The following MYO5A variants were observed in gnomAD, a reference collection of about 807,000 sequenced individuals.
MYO5A encodes unconventional myosin-Va.
In MYO5A, 98 loss-of-function variants were observed where a neutral mutation model predicts 249.7. That is an observed-to-expected ratio of 0.39 (90% CI 0.33 to 0.46). MYO5A has a LOEUF of 0.46. MYO5A is among the 20% of genes least tolerant of loss of function. The pLI, the probability that MYO5A is intolerant of heterozygous loss-of-function variation, is 0.98. For missense variants in MYO5A, 1,696 were observed against 2,308.8 expected (o/e 0.73, Z 5.44); for synonymous variants, 778 against 810.6 (o/e 0.96, Z 0.68).
chr15:52,429,351 C>T lies in MYO5A; in HGVS notation c.139-782G>A, dbSNP rs111463323. On this transcript the variant is annotated intron_variant, in intron 2 of 41. Transcript: ENST00000399233. ...GGCGGATTACCTGAGGTCAGGAGTT[C>T]GAGACCAGCCTGGCCAACATGGCAA... Among the ~76,000 whole-genome samples the T allele has an allele frequency of 2.3e-3, 344 of 151,994 alleles. 3 individuals are homozygous for T. The highest frequency in any genetic ancestry group is 8.0e-3 in the African/African-American group (333 of 41,442).
chr15:52,307,989 G>C lies in MYO5A; in HGVS notation c.*5707C>G, dbSNP rs935226316. The C allele has an allele frequency of 1.3e-5, 2 of 152,264 alleles. No homozygotes were observed. Among genetic ancestry groups the C allele is most frequent in the South Asian group, 4.1e-4 (2 of 4,826 alleles). 9.4% of individuals were successfully genotyped at this position (152,264 alleles called of 1,614,324 possible). Reference sequence around the variant, plus strand: ...ATGGCTCAAATGATTTACGGAGCCTGAAATGTGGGCTAAAATTTTATAACA... The same window carrying C: ...ATGGCTCAAATGATTTACGGAGCCTCAAATGTGGGCTAAAATTTTATAACA... On this transcript the variant is annotated 3_prime_UTR_variant, in exon 42 of 42. Transcript: ENST00000399233.
intron 8 of MYO5A, among the ~76,000 whole-genome samples, chr15:52,406,029 C>G (rs2042989978): frequency 6.6e-6 from 1 of 152,122 alleles, no homozygotes; most frequent in Admixed American, 6.5e-5. Context: ...AGTATGCGTC[C>G]AAATACAGCA....
intron 1 of MYO5A, among the ~76,000 whole-genome samples, chr15:52,475,637 T>C (rs1214641086): frequency 6.6e-6 from 1 of 152,236 alleles, no homozygotes; most frequent in African/African-American, 2.4e-5. Flanking sequence ...GCATTCATTT[T>C]GTTATGTACT....
At chr15:52,399,889 A>G (rs1480917745) in intron 9 of MYO5A, among the ~76,000 whole-genome samples, 1 of 152,136 alleles carries the variant, frequency 6.6e-6, no homozygotes, top group Non-Finnish European at 1.5e-5. Flanking sequence ...GCTCCCACTT[A>G]TAAGTGAGAA....
chr15:52,363,353 A>G (rs993892847), intron 24 of MYO5A, among the ~76,000 whole-genome samples: 2 of 152,242 alleles, frequency 1.3e-5, no homozygotes, highest in Non-Finnish European at 2.9e-5. Context: ...TGTCAATTAT[A>G]AGAACAGTTA....
At chr15:52,335,777 C>T (rs1258628935) in intron 34 of MYO5A, among the ~76,000 whole-genome samples, 5 of 151,748 alleles carry the variant, frequency 3.3e-5, no homozygotes, top group Non-Finnish European at 7.4e-5. Flanking sequence ...TTTTTTACTT[C>T]TCTATTTTTC....
In MYO5A at chr15:52,389,266, G is replaced by A. The variant is rs768441698; in HGVS notation, c.1640C>T (p.Ala547Val). ...LFEKPRLSNK[A>V]FIIQHFADKV... Reference sequence around the variant, plus strand: ...GTCAGCAAAATGTTGGATGATGAAAGCTTTGTTTGATAGACGAGGCTTTTC... The same window carrying A: ...GTCAGCAAAATGTTGGATGATGAAAACTTTGTTTGATAGACGAGGCTTTTC... Residue 547 changes from alanine to valine, a missense_variant, in exon 13 of 42, where the codon GCT (alanine) becomes GTT (valine). By Grantham distance (64) the Ala-to-Val change is moderately conservative (BLOSUM62 0). This residue lies in a region of MYO5A where 277 missense variants were observed against 422.4 expected (regional missense o/e 0.66). Coordinates refer to ENST00000399233, the MANE Select transcript of MYO5A (RefSeq NM_001382347.1). 6.2e-7 allele frequency: 1 copy of A among 1,613,490 alleles called. No individual in the cohort carries two copies. The highest frequency in any genetic ancestry group is 1.7e-5 in the Admixed American group (1 of 60,012).
At chr15:52,514,462 C>A (rs1018317057) in intron 1 of MYO5A, among the ~76,000 whole-genome samples, 2 of 152,156 alleles carry the variant, frequency 1.3e-5, no homozygotes, top group Admixed American at 6.5e-5. Context: ...CTTAGCCACA[C>A]TGGGGTCCGG....
rs75064535 is a variant in MYO5A, at chr15:52,392,647, G to A, written c.1402-577C>T. Among the ~76,000 whole-genome samples, 7 of 152,358 alleles carry A rather than the reference G, an allele frequency of 4.6e-5. No individual in the cohort carries two copies. In the East Asian group the frequency reaches 7.7e-4, roughly 17 times the overall value. ...TCCACATTAAATTCTGTTAGCAACT[G>A]CAACTGCTAGTCCATTGCTATTTCC... On this transcript the variant is annotated intron_variant, in intron 11 of 41. Coordinates refer to ENST00000399233, the MANE Select transcript of MYO5A (RefSeq NM_001382347.1).
intron 1 of MYO5A, among the ~76,000 whole-genome samples, chr15:52,514,116 G>C (rs116111383): frequency 0.016 from 2,472 of 152,244 alleles, 75 homozygotes; most frequent in African/African-American, 0.057. Flanking sequence ...ATACAAAGAA[G>C]ATTTGGAAAA....
At chr15:52,353,510 A>G (rs1440668775) in intron 27 of MYO5A, 95 bp downstream of exon 27, 1 of 1,049,566 alleles carries the variant, frequency 9.5e-7, no homozygotes, top group East Asian at 2.4e-5. Context: ...GCAATCTCCA[A>G]CCCTTAAGGA....
intron 1 of MYO5A, chr15:52,505,490 T>C (rs746326852): frequency 4.9e-5 from 58 of 1,174,716 alleles, no homozygotes; most frequent in Non-Finnish European, 7.1e-5. Flanking sequence ...GATGATGACA[T>C]TGATCTCTCT....
chr15:52,443,208 G>GC (rs1357559388), intron 1 of MYO5A, among the ~76,000 whole-genome samples: 1 of 152,150 alleles, frequency 6.6e-6, no homozygotes, highest in African/African-American at 2.4e-5. Context: ...CAATCAGCTT[G>GC]CCATCCATCC....
intron 1 of MYO5A, among the ~76,000 whole-genome samples, chr15:52,449,549 T>C (rs1455115212): frequency 1.3e-5 from 2 of 152,056 alleles, no homozygotes; most frequent in African/African-American, 4.8e-5. Context: ...CCTGGCAGCC[T>C]ACCTGGAACA....
chr15:52,387,705 C>G, intron 14 of MYO5A, 124 bp downstream of exon 14: 4 of 735,858 alleles, frequency 5.4e-6, no homozygotes, highest in South Asian at 4.9e-5. Context: ...GACTAACATA[C>G]TAAGTGTTAT....
intron 20 of MYO5A, 110 bp from the exon 21 acceptor site, chr15:52,372,473 A>G: frequency 1.4e-6 from 2 of 1,412,560 alleles, no homozygotes; most frequent in Non-Finnish European, 1.9e-6. Flanking sequence ...AAGACATAAA[A>G]GTTGAATTGA....
intron 1 of MYO5A, among the ~76,000 whole-genome samples, chr15:52,526,860 TC>T (rs1408699850): frequency 1.3e-5 from 2 of 152,172 alleles, no homozygotes; most frequent in African/African-American, 2.4e-5. Flanking sequence ...TATTATCCAC[TC>T]AGTCTCTAGT....
rs572450670 is a variant in MYO5A, at chr15:52,313,337, TA to T, written c.*358del. 1.9e-4 allele frequency: 56 copies of T among 292,068 alleles called. No homozygotes were observed. Among genetic ancestry groups the T allele is most frequent in the African/African-American group, 1.2e-3 (54 of 45,598 alleles). 18.1% of individuals were successfully genotyped at this position (292,068 alleles called of 1,614,324 possible). ...CTAACAACAGCTCATCTATGGAAGT[TA>T]TACTTTTTATACCATTCAAACTCAG... On this transcript the variant is annotated 3_prime_UTR_variant, in exon 42 of 42. Coordinates refer to ENST00000399233, the MANE Select transcript of MYO5A (RefSeq NM_001382347.1).
At chr15:52,447,950 G>A (rs1303256679) in intron 1 of MYO5A, among the ~76,000 whole-genome samples, 2 of 152,258 alleles carry the variant, frequency 1.3e-5, no homozygotes, top group East Asian at 1.9e-4. Context: ...GCCTGCTGCA[G>A]AGGCAGAGCC....
Sources: gnomAD v4.1 joint callset for allele counts (sites outside exome capture counted in the v4.1 genomes callset) on GRCh38, gnomAD v4.1.1 for gene constraint, gnomAD v4.1.1 regional missense constraint, MANE v1.5 for transcripts, NCBI Gene and HGNC (gene_info 2026-07-23, HGNC 2026-07-21) for gene names.